The following MARCHF4 variants were observed in gnomAD, a reference collection of about 807,000 sequenced individuals.
MARCHF4 encodes the protein E3 ubiquitin-protein ligase MARCHF4.
MARCHF4 carries 14 observed loss-of-function variants against 43.9 expected under a neutral mutation model. That is an observed-to-expected ratio of 0.32 (90% CI 0.21 to 0.50). MARCHF4 has a LOEUF of 0.50. Ranked by LOEUF, MARCHF4 falls within the 20% of genes least tolerant of loss-of-function variation. MARCHF4 has a pLI of 0.98. For synonymous variants in MARCHF4, 226 were observed against 213.3 expected (o/e 1.06, Z -0.52); for missense variants, 468 against 536.7 (o/e 0.87, Z 1.27).
At chr2:216,334,241 T>C (rs1319596589) in intron 1 of MARCHF4, among the ~76,000 whole-genome samples, 1 of 152,114 alleles carries the variant, frequency 6.6e-6, no homozygotes, top group Admixed American at 6.5e-5. Context: ...GTTGCTGGAT[T>C]TGAAGATGGA....
At chr2:216,318,708 G>A (rs376253628) in intron 1 of MARCHF4, among the ~76,000 whole-genome samples, 44 of 152,140 alleles carry the variant, frequency 2.9e-4, no homozygotes, top group African/African-American at 9.4e-4. Flanking sequence ...AAATCAGAGA[G>A]GTGCCAGGGG....
At chr2:216,353,490 AG>A (rs1692432916) in intron 1 of MARCHF4, among the ~76,000 whole-genome samples, 1 of 152,208 alleles carries the variant, frequency 6.6e-6, no homozygotes, top group East Asian at 1.9e-4. Flanking sequence ...ATATCAGCTT[AG>A]GGATTTGCCT....
chr2:216,336,980 C>T lies in MARCHF4; in HGVS notation c.516+32765G>A, dbSNP rs374096615. 6.6e-5 allele frequency among the ~76,000 whole-genome samples: 10 copies of T among 151,734 alleles called. No homozygotes were observed. In the East Asian group the frequency reaches 7.8e-4, roughly 12 times the overall value. ...CAGCCTGGCCAACAAGGTGAAACCC[C>T]GTCTCTACTAAAAATACAAAAATTA... On this transcript the variant is annotated intron_variant, in intron 1 of 3. Coordinates refer to ENST00000273067, the MANE Select transcript of MARCHF4 (RefSeq NM_020814.3).
At chr2:216,277,624 C>A in intron 3 of MARCHF4, 48 bp downstream of exon 3, 3 of 1,532,452 alleles carry the variant, frequency 2.0e-6, no homozygotes, top group Non-Finnish European at 1.8e-6. Flanking sequence ...GTCCATCCCA[C>A]GAGCACATGG....
chr2:216,334,252 G>A (rs1692123853), intron 1 of MARCHF4, among the ~76,000 whole-genome samples: 1 of 152,154 alleles, frequency 6.6e-6, no homozygotes, highest in Non-Finnish European at 1.5e-5. Context: ...TGAAGATGGA[G>A]GAAGAAGGCC....
At chr2:216,291,084 T>C (rs1377517631) in intron 1 of MARCHF4, among the ~76,000 whole-genome samples, 1 of 151,550 alleles carries the variant, frequency 6.6e-6, no homozygotes, top group Non-Finnish European at 1.5e-5. Context: ...AAGCAGTGAG[T>C]ATAGGTAGGA....
intron 1 of MARCHF4, among the ~76,000 whole-genome samples, chr2:216,346,689 C>T (rs561052128): frequency 6.6e-6 from 1 of 152,232 alleles, no homozygotes; most frequent in East Asian, 1.9e-4. Context: ...AATAGTGGTC[C>T]ATAGGTTGGG....
At chr2:216,333,318 A>T (rs1316653351) in intron 1 of MARCHF4, among the ~76,000 whole-genome samples, 1 of 152,284 alleles carries the variant, frequency 6.6e-6, no homozygotes, top group Non-Finnish European at 1.5e-5. Flanking sequence ...ACCCTGTAGA[A>T]AAATGAGTAA....
At chr2:216,271,864 C>T (rs1035175852) in intron 3 of MARCHF4, among the ~76,000 whole-genome samples, 5 of 151,888 alleles carry the variant, frequency 3.3e-5, no homozygotes, top group Non-Finnish European at 5.9e-5. Context: ...CATCATAACT[C>T]ACTGCAGCCT....
intron 1 of MARCHF4, among the ~76,000 whole-genome samples, chr2:216,364,896 A>C (rs1253027806): frequency 6.6e-6 from 1 of 152,216 alleles, no homozygotes; most frequent in African/African-American, 2.4e-5. Flanking sequence ...AGCATTTTTC[A>C]GGAAAGGAGG....
Position 216,259,436 on chromosome 2 carries a change from C to T in MARCHF4, c.1109G>A (p.Gly370Asp). The T allele has an allele frequency of 1.2e-6, 2 of 1,614,044 alleles. No individual in the cohort carries two copies. Among genetic ancestry groups the T allele is most frequent in the African/African-American group, 1.3e-5 (1 of 75,040 alleles). ...GPAQAAGHPS[G>D]PLSHHHCAYT... ...AGCACAGTGGTGATGGGACAGAGGG[C>T]CTGAGGGGTGGCCGGCAGCCTGGGC... The change falls in exon 4 of 4, where the codon GGC becomes GAC. Residue 370 changes from glycine (G) to aspartate (D), a missense_variant. Physicochemically the swap from Gly to Asp is moderately conservative, Grantham distance 94. This residue lies in a region of MARCHF4 where 120 missense variants were observed against 127.1 expected (regional missense o/e 0.94). Coordinates refer to ENST00000273067, the MANE Select transcript of MARCHF4 (RefSeq NM_020814.3).
At chr2:216,342,441 T>A (rs1692251969) in intron 1 of MARCHF4, among the ~76,000 whole-genome samples, 1 of 152,126 alleles carries the variant, frequency 6.6e-6, no homozygotes, top group Non-Finnish European at 1.5e-5. Flanking sequence ...TGCAAAAATG[T>A]TTCTGTGCTC....
At chr2:216,345,178 T>G (rs1272526031) in intron 1 of MARCHF4, among the ~76,000 whole-genome samples, 15 of 109,162 alleles carry the variant, frequency 1.4e-4, no homozygotes, top group Admixed American at 9.0e-4. Context: ...GATCCCTTGG[T>G]CTGTGAAACC....
chr2:216,336,822 G>A (rs1296876406), intron 1 of MARCHF4, among the ~76,000 whole-genome samples: 2 of 145,410 alleles, frequency 1.4e-5, no homozygotes, highest in African/African-American at 5.0e-5. Flanking sequence ...AATGTGAATG[G>A]GATTCATTGA....
intron 1 of MARCHF4, among the ~76,000 whole-genome samples, chr2:216,292,315 A>C (rs1691321810): frequency 6.6e-6 from 1 of 152,236 alleles, no homozygotes; most frequent in Non-Finnish European, 1.5e-5. Context: ...GATGGAGTCC[A>C]CATTAGCAGG....
chr2:216,310,951 G>C (rs1264289650), intron 1 of MARCHF4, among the ~76,000 whole-genome samples: 1 of 151,954 alleles, frequency 6.6e-6, no homozygotes, highest in African/African-American at 2.4e-5. Flanking sequence ...AGTGGGGGAA[G>C]GATTATTTTA....
At chr2:216,313,069 G>C (rs1691715956) in intron 1 of MARCHF4, among the ~76,000 whole-genome samples, 2 of 152,046 alleles carry the variant, frequency 1.3e-5, no homozygotes, top group South Asian at 4.1e-4. Flanking sequence ...TGGTGAGAGA[G>C]AGGGGTCCAG....
intron 1 of MARCHF4, among the ~76,000 whole-genome samples, chr2:216,360,988 G>A (rs1289157407): frequency 1.3e-5 from 2 of 152,006 alleles, no homozygotes; most frequent in Non-Finnish European, 2.9e-5. Flanking sequence ...CCAAAGTATG[G>A]GATGTTGATG....
At chr2:216,276,334 G>C (rs1385605734) in intron 3 of MARCHF4, among the ~76,000 whole-genome samples, 1 of 146,730 alleles carries the variant, frequency 6.8e-6, no homozygotes, top group African/African-American at 2.8e-5. Flanking sequence ...GGTGGGAGGG[G>C]GAAAGAAATT....
Sources: allele counts gnomAD v4.1 joint callset (sites outside exome capture counted in the v4.1 genomes callset), GRCh38; gene constraint gnomAD v4.1.1; regional missense constraint gnomAD v4.1.1; transcripts MANE v1.5; gene names NCBI Gene and HGNC (gene_info 2026-07-23, HGNC 2026-07-21).